Variants in MDGA2 observed in about 807,000 individuals in gnomAD.
MDGA2 encodes MAM domain containing glycosylphosphatidylinositol anchor 2, also known as MAM domain-containing glycosylphosphatidylinositol anchor protein 2.
Under a neutral mutation model 117.8 loss-of-function variants are expected in MDGA2, and 40 were observed. That is an observed-to-expected ratio of 0.34 (90% CI 0.26 to 0.44). The LOEUF (loss-of-function observed/expected upper bound fraction) is 0.44, where lower values mean the gene tolerates loss of function less well. MDGA2 is among the 20% of genes least tolerant of loss of function. MDGA2 has a pLI of 1.00. For synonymous variants in MDGA2, 452 were observed against 439.0 expected, an observed-to-expected ratio of 1.03 and a Z score of -0.37; for missense variants, 1,123 against 1,250.6, an observed-to-expected ratio of 0.90 and a Z score of 1.54.
At chr14:47,074,065 G>C (rs1462817171) in intron 6 of MDGA2, among the ~76,000 whole-genome samples, 1 of 151,506 alleles carries the variant, frequency 6.6e-6, no homozygotes, top group Non-Finnish European at 1.5e-5. Flanking sequence ...TTATGAACAT[G>C]ATCATAATTA....
intron 1 of MDGA2, among the ~76,000 whole-genome samples, chr14:47,324,386 T>A (rs1890079658): frequency 6.6e-6 from 1 of 152,204 alleles, no homozygotes; most frequent in Non-Finnish European, 1.5e-5. Context: ...ACTGGAAATA[T>A]AGATGTGAAA....
At chr14:47,097,230 T>A (rs919029891) in intron 5 of MDGA2, 107 bp from the exon 6 acceptor site, 17 of 1,240,414 alleles carry the variant, frequency 1.4e-5, no homozygotes, top group Middle Eastern at 2.8e-4. Flanking sequence ...TGAAATATAG[T>A]CCTCTTTTGC....
At chr14:47,397,493 C>T (rs1222723100) in intron 1 of MDGA2, among the ~76,000 whole-genome samples, 2 of 151,190 alleles carry the variant, frequency 1.3e-5, no homozygotes, top group African/African-American at 4.9e-5. Flanking sequence ...AAAAAGATGA[C>T]CAAAAAAAAA....
chr14:47,278,405 G>C (rs1297372673), intron 2 of MDGA2, among the ~76,000 whole-genome samples: 1 of 152,084 alleles, frequency 6.6e-6, no homozygotes, highest in African/African-American at 2.4e-5. Context: ...AGACTGTGAA[G>C]CTGGCTACAG....
At chr14:47,545,072 T>C (rs569360736) in intron 1 of MDGA2, among the ~76,000 whole-genome samples, 13 of 152,168 alleles carry the variant, frequency 8.5e-5, no homozygotes, top group Non-Finnish European at 1.5e-4. Flanking sequence ...AACACCAAGT[T>C]CAATATTTAA....
intron 2 of MDGA2, among the ~76,000 whole-genome samples, chr14:47,243,347 T>C (rs1887128382): frequency 6.6e-6 from 1 of 151,742 alleles, no homozygotes; most frequent in Non-Finnish European, 1.5e-5. Flanking sequence ...AGGATGTGGG[T>C]GGGGCCAGAT....
chr14:47,053,644 TATATATATATACACACACACACACAC>T (rs1566595369), intron 7 of MDGA2, among the ~76,000 whole-genome samples: 4 of 39,134 alleles, frequency 1.0e-4, no homozygotes, highest in East Asian at 1.1e-3. Context: ...TATATATATA[TATATATATATACACACACACACACAC>T]ATATATATAT....
At chr14:47,492,527 C>G (rs932101270) in intron 1 of MDGA2, among the ~76,000 whole-genome samples, 4 of 151,836 alleles carry the variant, frequency 2.6e-5, no homozygotes, top group East Asian at 1.9e-4. Context: ...TGATTCAGGA[C>G]AGAAAATGAG....
chr14:46,952,866 T>C (rs1447617535), intron 9 of MDGA2, among the ~76,000 whole-genome samples: 2 of 151,934 alleles, frequency 1.3e-5, no homozygotes, highest in African/African-American at 4.8e-5. Context: ...TAAATATTAA[T>C]GAATGCTTTG....
At chr14:47,335,865 C>G (rs1289187121) in intron 1 of MDGA2, among the ~76,000 whole-genome samples, 1 of 150,474 alleles carries the variant, frequency 6.6e-6, no homozygotes, top group African/African-American at 2.4e-5. Flanking sequence ...AGAAAGTGGA[C>G]TTCAGGACTC....
chr14:47,244,999 C>A (rs1887191336), intron 2 of MDGA2, among the ~76,000 whole-genome samples: 1 of 150,204 alleles, frequency 6.7e-6, no homozygotes, highest in South Asian at 2.1e-4. Context: ...TTTTCTCTTC[C>A]ACATGACTCT....
At chr14:47,549,577 T>A (rs983036783) in intron 1 of MDGA2, among the ~76,000 whole-genome samples, 1 of 152,160 alleles carries the variant, frequency 6.6e-6, no homozygotes, top group Non-Finnish European at 1.5e-5. Context: ...CTGACTATTA[T>A]GAACAAAATT....
intron 2 of MDGA2, among the ~76,000 whole-genome samples, chr14:47,252,686 T>C (rs10142767): frequency 0.19 from 28,754 of 151,994 alleles, 2,951 homozygotes; most frequent in South Asian, 0.29. Flanking sequence ...TTGACAGATA[T>C]GAAAATGCTA....
chr14:47,489,887 C>T (rs1201408664), intron 1 of MDGA2, among the ~76,000 whole-genome samples: 2 of 152,050 alleles, frequency 1.3e-5, no homozygotes, highest in East Asian at 1.9e-4. Context: ...CCTTTGCATA[C>T]TAGTGAATCA....
intron 1 of MDGA2, among the ~76,000 whole-genome samples, chr14:47,614,178 C>T (rs1330236616): frequency 6.7e-6 from 1 of 149,846 alleles, no homozygotes. Context: ...CAACCTCTGC[C>T]TCCTGGGTTC....
intron 1 of MDGA2, among the ~76,000 whole-genome samples, chr14:47,308,886 C>T (rs1262798451): frequency 6.6e-6 from 1 of 151,854 alleles, no homozygotes; most frequent in Non-Finnish European, 1.5e-5. Context: ...TGGTAAATCG[C>T]TATTTCTTTT....
At chr14:47,203,093 T>G (rs1481720753) in intron 3 of MDGA2, among the ~76,000 whole-genome samples, 1 of 151,966 alleles carries the variant, frequency 6.6e-6, no homozygotes, top group African/African-American at 2.4e-5. Context: ...CAATTACAGA[T>G]CCTATCACGA....
At chr14:47,588,306 T>G (rs1594931733) in intron 1 of MDGA2, among the ~76,000 whole-genome samples, 1 of 147,362 alleles carries the variant, frequency 6.8e-6, no homozygotes, top group Non-Finnish European at 1.5e-5. Flanking sequence ...GGCTCATAAG[T>G]AATTTAATGA....
In MDGA2 at chr14:46,969,930, TTCCATA is replaced by T. The variant is rs1473132460; in HGVS notation, c.1820-12293_1820-12288del. On this transcript the variant is annotated intron_variant, in intron 8 of 16. Transcript: ENST00000399232. Reference sequence around the variant, plus strand: ...CACATGTACCTTAGAACTTAAAGTATTCCATATATATATATATATATATATATATAT... The same window carrying T: ...CACATGTACCTTAGAACTTAAAGTATTATATATATATATATATATATATAT... Among the ~76,000 whole-genome samples the T allele has an allele frequency of 6.9e-4, 94 of 135,836 alleles. 1 individual carries two copies. Among genetic ancestry groups the T allele is most frequent in the East Asian group, 4.8e-3 (17 of 3,506 alleles). 89.1% of individuals were successfully genotyped at this position (135,836 alleles called of 152,430 possible).
Sources: allele counts gnomAD v4.1 joint callset (sites outside exome capture counted in the v4.1 genomes callset), GRCh38; gene constraint gnomAD v4.1.1; transcripts MANE v1.5; gene names NCBI Gene and HGNC (gene_info 2026-07-23, HGNC 2026-07-21).